The following MYO1F variants were observed in gnomAD, a reference collection of about 807,000 sequenced individuals.
MYO1F encodes the protein unconventional myosin-If.
Under a neutral mutation model 146.6 loss-of-function variants are expected in MYO1F, and 60 were observed. That is an observed-to-expected ratio of 0.41 (90% CI 0.33 to 0.51). MYO1F has a LOEUF of 0.51. Among genes scored for constraint, MYO1F ranks in the 20% least tolerant of loss-of-function variants. MYO1F has a pLI of 0.25. For missense variants in MYO1F, 1,274 were observed against 1,534.3 expected, an observed-to-expected ratio of 0.83 and a Z score of 2.83; for synonymous variants, 602 against 602.1, an observed-to-expected ratio of 1.00 and a Z score of 0.00.
chr19:8,521,690 A>T, intron 27 of MYO1F, 86 bp from the exon 28 acceptor site: 1 of 1,249,002 alleles, frequency 8.0e-7, no homozygotes, highest in South Asian at 1.2e-5. Flanking sequence ...GTTCATGGGG[A>T]CTCCCTATGT....
At position 8,555,414 on chromosome 19, in the gene MYO1F, C is replaced by G. The variant is rs8104131; in HGVS notation, c.141+245G>C. ...AAAAAAAAAAAAAAAAAAGAACAAA[C>G]AGGGTTGGATCCGGAATGGGGGAAA... On this transcript the variant is annotated intron_variant, in intron 2 of 27. Coordinates refer to ENST00000644032, the MANE Select transcript of MYO1F (RefSeq NM_012335.4). 1,952 of 207,808 alleles carry G rather than the reference C, an allele frequency of 9.4e-3. 53 individuals carry two copies. The highest frequency in any genetic ancestry group is 0.051 in the African/African-American group (1,814 of 35,432). 12.9% of individuals were successfully genotyped at this position (207,808 alleles called of 1,614,324 possible).
chr19:8,526,366 T>C, intron 24 of MYO1F, 87 bp downstream of exon 24: 1 of 1,515,924 alleles, frequency 6.6e-7, no homozygotes, highest in African/African-American at 1.4e-5. Flanking sequence ...TCTCTCTCTC[T>C]GTAGACACTC....
intron 6 of MYO1F, 32 bp downstream of exon 6, chr19:8,553,107 C>A (rs1454283716): frequency 6.2e-7 from 1 of 1,600,484 alleles, no homozygotes; most frequent in East Asian, 2.2e-5. Context: ...ACGGAGGGAG[C>A]AGCTGCTCCA....
chr19:8,550,016 T>G, intron 10 of MYO1F, 144 bp downstream of exon 10: 2 of 909,110 alleles, frequency 2.2e-6, no homozygotes, highest in Non-Finnish European at 3.4e-6. Flanking sequence ...CCCAGGCTGG[T>G]CTTGAACTTC....
rs374157870 is a variant in MYO1F, at chr19:8,553,868, TCA to T, written c.327-433_327-432del. On this transcript the variant is annotated intron_variant, in intron 4 of 27. Coordinates refer to ENST00000644032, the MANE Select transcript of MYO1F (RefSeq NM_012335.4). ...GCCTGGGTGACAGACTGAGACTCTG[TCA>T]CACACACACACACACACACACACAC... is the stretch of plus-strand genomic sequence containing the variant. Among the ~76,000 whole-genome samples the T allele has an allele frequency of 6.1e-3, 743 of 121,398 alleles. 24 individuals are homozygous for T. Among genetic ancestry groups the T allele is most frequent in the South Asian group, 8.2e-3 (32 of 3,884 alleles). The allele number at this position is 121,398 out of a possible 152,430, so 79.6% of individuals were successfully genotyped here.
At position 8,526,491 on chromosome 19, in the gene MYO1F, A is replaced by G. The variant is rs757307710; in HGVS notation, c.2732T>C (p.Leu911Pro). Reference sequence around the variant, plus strand: ...CAGCCCATCGCCCACGCTGACCGTGAGGGTCCGACCGCCAACCTTGAGCAC... The same window carrying G: ...CAGCCCATCGCCCACGCTGACCGTGGGGGTCCGACCGCCAACCTTGAGCAC... ...LAVLKVGGRT[L>P]TVSVGDGLPK... Residue 911 changes from leucine (L) to proline (P), a missense_variant, in exon 24 of 28, where the codon CTC becomes CCC. Transcript: ENST00000644032. The G allele has an allele frequency of 6.4e-7, 1 of 1,570,512 alleles. No individual in the cohort carries two copies. Among genetic ancestry groups the G allele is most frequent in the Non-Finnish European group, 8.6e-7 (1 of 1,158,330 alleles).
chr19:8,526,676 G>C, intron 23 of MYO1F, 75 bp from the exon 24 acceptor site: 1 of 1,544,674 alleles, frequency 6.5e-7, no homozygotes, highest in African/African-American at 1.4e-5. Context: ...GGTTGGGGCA[G>C]GGGCGGGGCC....
At chr19:8,574,900 C>T (rs1487707357) in intron 1 of MYO1F, among the ~76,000 whole-genome samples, 3 of 150,064 alleles carry the variant, frequency 2.0e-5, no homozygotes, top group East Asian at 2.0e-4. Context: ...GGGTTACAGG[C>T]GCGCACCACC....
rs770781960 is a variant in MYO1F, at chr19:8,525,468, C to A, written c.2854+11G>T. On this transcript the variant is annotated intron_variant, in intron 25 of 27. Coordinates refer to ENST00000644032, the MANE Select transcript of MYO1F (RefSeq NM_012335.4). Reference sequence around the variant, plus strand: ...AGACAAGGGAATATAGCAAGGGACGCAGCTCCTCACCTCTGGGGGGCGCAG... The same window carrying A: ...AGACAAGGGAATATAGCAAGGGACGAAGCTCCTCACCTCTGGGGGGCGCAG... The A allele has an allele frequency of 6.2e-7, 1 of 1,611,982 alleles. No homozygotes were observed. The highest frequency in any genetic ancestry group is 8.5e-7 in the Non-Finnish European group (1 of 1,178,922).
intron 1 of MYO1F, among the ~76,000 whole-genome samples, chr19:8,560,499 A>C (rs1351536073): frequency 6.6e-6 from 1 of 150,424 alleles, no homozygotes; most frequent in Non-Finnish European, 1.5e-5. Context: ...AAAAGGAAAA[A>C]AAAAAAAGAA....
Position 8,525,486 on chromosome 19 carries a change from G to A in MYO1F, c.2847C>T (p.Pro949=), listed in dbSNP as rs369754381. 4.3e-6 allele frequency: 7 copies of A among 1,613,108 alleles called. No individual in the cohort carries two copies. Among genetic ancestry groups the A allele is most frequent in the Non-Finnish European group, 5.9e-6 (7 of 1,179,842 alleles). ...AGGGACGCAGCTCCTCACCTCTGGG[G>A]GGCGCAGGGGCCGCCCGGGTAGGGG... The part of the protein sequence containing the change: ...SQAPTRAAPA[P]PRGMDRNGVP... Residue 949 remains proline, a synonymous_variant, in exon 25 of 28, where the codon CCC becomes CCT. Transcript: ENST00000644032.
chr19:8,573,100 A>G (rs1304607753), intron 1 of MYO1F, among the ~76,000 whole-genome samples: 1 of 152,052 alleles, frequency 6.6e-6, no homozygotes, highest in Admixed American at 6.6e-5. Flanking sequence ...CGAGGTCAGG[A>G]GATCGAGACC....
chr19:8,553,579 A>G (rs533919113), intron 4 of MYO1F, 142 bp from the exon 5 acceptor site: 4 of 716,846 alleles, frequency 5.6e-6, no homozygotes, highest in East Asian at 5.4e-5. Flanking sequence ...GACAGATAAA[A>G]TCTCTGCTCT....
Position 8,543,184 on chromosome 19 carries a change from G to A in MYO1F, c.1524+1113C>T, listed in dbSNP as rs1315928785. 4.6e-5 allele frequency among the ~76,000 whole-genome samples: 7 copies of A among 152,218 alleles called. No individual in the cohort carries two copies. The East Asian group carries it at 5.8e-4, about 13-fold the overall frequency. On this transcript the variant is annotated intron_variant, in intron 14 of 27. Coordinates refer to ENST00000644032, the MANE Select transcript of MYO1F (RefSeq NM_012335.4). ...CTCCCAAAGTGCTGGGATTACAGGCGTGAGCCACCACTCCCAGCCTCTCCA... is the reference window on the plus strand; with the variant it reads ...CTCCCAAAGTGCTGGGATTACAGGCATGAGCCACCACTCCCAGCCTCTCCA...
chr19:8,577,151 G>A lies in MYO1F; in HGVS notation c.3+156C>T, dbSNP rs2042252454. 5.9e-6 allele frequency: 5 copies of A among 853,040 alleles called. No individual in the cohort carries two copies. Among genetic ancestry groups the A allele is most frequent in the East Asian group, 2.7e-5 (1 of 37,646 alleles). The allele number at this position is 853,040 out of a possible 1,614,324, so 52.8% of individuals were successfully genotyped here. A position where few individuals can be genotyped will look rare whatever the true frequency, so the allele number is the denominator to read the frequency against. On this transcript the variant is annotated intron_variant, in intron 1 of 27. Transcript: ENST00000644032. This position sits in a 1 kb window ranked among gnomAD's most constrained non-coding sequence, Gnocchi z 4.3. ...GCTTGCTCCCTGGTAAGGGATGCTGGAGGCACCTGAGCTGCACTGAGAGAC... is the reference window on the plus strand; with the variant it reads ...GCTTGCTCCCTGGTAAGGGATGCTGAAGGCACCTGAGCTGCACTGAGAGAC...
At chr19:8,534,660 C>T (rs147763540) in intron 19 of MYO1F, among the ~76,000 whole-genome samples, 3,227 of 148,328 alleles carry the variant, frequency 0.022, 185 homozygotes, top group East Asian at 0.16. Flanking sequence ...GAGTCTCACT[C>T]TGTTGCCCAG....
chr19:8,544,152 A>G, intron 14 of MYO1F, 145 bp downstream of exon 14: 2 of 833,656 alleles, frequency 2.4e-6, no homozygotes, highest in Non-Finnish European at 3.8e-6. Flanking sequence ...GGGTGGATTG[A>G]GGCGGGGGAC....
At chr19:8,566,965 C>T (rs2042015815) in intron 1 of MYO1F, among the ~76,000 whole-genome samples, 1 of 151,940 alleles carries the variant, frequency 6.6e-6, no homozygotes, top group African/African-American at 2.4e-5. Context: ...GCGTAAGCCA[C>T]CAGGCCAAGC....
At chr19:8,544,577 A>T in intron 13 of MYO1F, 113 bp from the exon 14 acceptor site, 23 of 676,198 alleles carry the variant, frequency 3.4e-5, no homozygotes, top group Middle Eastern at 5.0e-4. Flanking sequence ...AGGGAGCTAG[A>T]GCTTTGGGGG....
Sources: gnomAD v4.1 joint callset for allele counts (sites outside exome capture counted in the v4.1 genomes callset) on GRCh38, gnomAD v4.1.1 for gene constraint, Gnocchi (gnomAD v3.1) non-coding constraint, MANE v1.5 for transcripts, NCBI Gene and HGNC (gene_info 2026-07-23, HGNC 2026-07-21) for gene names.